Variants in DLGAP1 observed in about 807,000 individuals in gnomAD.
The protein encoded by DLGAP1 is DLG associated protein 1.
In DLGAP1, 11 loss-of-function variants were observed where a neutral mutation model predicts 90.8. The observed-to-expected ratio is 0.12, with a 90% confidence interval of 0.08 to 0.20. DLGAP1 has a LOEUF of 0.20. Ranked by LOEUF, DLGAP1 falls within the 10% of genes least tolerant of loss-of-function variation. The probability of loss-of-function intolerance (pLI) is 1.00; values close to 1 mark genes in which losing one functional copy is unlikely to be tolerated. For synonymous variants in DLGAP1, 558 were observed against 540.7 expected, an observed-to-expected ratio of 1.03 and a Z score of -0.44; for missense variants, 1,050 against 1,333.8, an observed-to-expected ratio of 0.79 and a Z score of 3.31.
Position 4,055,816 on chromosome 18 carries a change from T to A in DLGAP1, c.-158-50615A>T, listed in dbSNP as rs571938335. Reference sequence around the variant, plus strand: ...CAGAGGTGTGAGTTAAGTGGGCTGCTATAAAAATTTAGGAAAAATATATTA... The same window carrying A: ...CAGAGGTGTGAGTTAAGTGGGCTGCAATAAAAATTTAGGAAAAATATATTA... On this transcript the variant is annotated intron_variant, in intron 2 of 12. Transcript: ENST00000315677. 3.3e-5 allele frequency among the ~76,000 whole-genome samples: 5 copies of A among 152,294 alleles called. No homozygotes were observed. In the East Asian group the frequency reaches 9.7e-4, roughly 29 times the overall value.
chr18:3,953,820 T>C (rs2073033873), intron 3 of DLGAP1, among the ~76,000 whole-genome samples: 1 of 152,210 alleles, frequency 6.6e-6, no homozygotes, highest in African/African-American at 2.4e-5. Context: ...TAAAGGATGA[T>C]GGTATGGCAT....
At chr18:3,705,741 C>T (rs1467645162) in intron 7 of DLGAP1, among the ~76,000 whole-genome samples, 1 of 151,710 alleles carries the variant, frequency 6.6e-6, no homozygotes, top group Non-Finnish European at 1.5e-5. Flanking sequence ...TCACTACAAC[C>T]TCTGCCTCCT....
At chr18:3,772,929 A>G (rs1374076269) in intron 5 of DLGAP1, among the ~76,000 whole-genome samples, 1 of 152,170 alleles carries the variant, frequency 6.6e-6, no homozygotes, top group East Asian at 1.9e-4. Flanking sequence ...CCTCTTCAGC[A>G]TGGTATTGAA....
At chr18:4,272,553 G>A in intron 1 of DLGAP1, among the ~76,000 whole-genome samples, 1 of 152,088 alleles carries the variant, frequency 6.6e-6, no homozygotes, top group East Asian at 1.9e-4. Flanking sequence ...TAGTCCCTTA[G>A]CCCCCAGGCT....
chr18:4,248,053 T>C (rs2078691606), intron 1 of DLGAP1, among the ~76,000 whole-genome samples: 1 of 152,062 alleles, frequency 6.6e-6, no homozygotes, highest in Non-Finnish European at 1.5e-5. Flanking sequence ...GAAAAAAATA[T>C]CGTGATTTTG....
intron 1 of DLGAP1, among the ~76,000 whole-genome samples, chr18:4,237,856 G>C (rs945816618): frequency 6.6e-6 from 1 of 152,088 alleles, no homozygotes; most frequent in African/African-American, 2.4e-5. Flanking sequence ...TGCCAAATGA[G>C]TTATGAGTTG....
chr18:4,094,596 CCTTT>C (rs1427664030), intron 2 of DLGAP1, among the ~76,000 whole-genome samples: 15 of 146,816 alleles, frequency 1.0e-4, no homozygotes, highest in East Asian at 2.0e-4. Flanking sequence ...TTCCTTCCTT[CCTTT>C]CTCTTTCTTT....
chr18:4,264,613 C>T (rs551720887), intron 1 of DLGAP1: 3 of 152,394 alleles, frequency 2.0e-5, no homozygotes, highest in South Asian at 2.1e-4. Context: ...AGCCAAATCC[C>T]GACAGGACTT....
In DLGAP1 at chr18:4,157,996, GACAT is replaced by G. The variant is rs535139090; in HGVS notation, c.-266-6713_-266-6710del. 3.9e-5 allele frequency among the ~76,000 whole-genome samples: 6 copies of G among 152,232 alleles called. No homozygotes were observed. In the South Asian group the frequency reaches 1.2e-3, roughly 32 times the overall value. Reference sequence around the variant, plus strand: ...GCCAACTGTTTATGCTGAAAATGAAGACATACAAAGAGAGAGAAAGAAAGAGCAA... The same window carrying G: ...GCCAACTGTTTATGCTGAAAATGAAGACAAAGAGAGAGAAAGAAAGAGCAA... On this transcript the variant is annotated intron_variant, in intron 1 of 12. Transcript: ENST00000315677.
At chr18:4,029,680 A>G (rs187220162) in intron 2 of DLGAP1, among the ~76,000 whole-genome samples, 5 of 152,226 alleles carry the variant, frequency 3.3e-5, no homozygotes, top group African/African-American at 7.2e-5. Flanking sequence ...CTAATTCCTA[A>G]TTTCAGTGTC....
chr18:3,583,293 C>T (rs1004863850), intron 7 of DLGAP1, among the ~76,000 whole-genome samples: 3 of 151,094 alleles, frequency 2.0e-5, no homozygotes, highest in Admixed American at 1.3e-4. Flanking sequence ...TTCCCTCCTT[C>T]AGTCTTTTTC....
intron 1 of DLGAP1, among the ~76,000 whole-genome samples, chr18:4,158,799 T>A (rs1458033438): frequency 1.3e-5 from 2 of 152,158 alleles, no homozygotes; most frequent in Non-Finnish European, 2.9e-5. Context: ...GAGAGAAAAG[T>A]CAGTGATAAA....
chr18:4,009,077 T>C (rs2074365387), intron 2 of DLGAP1, among the ~76,000 whole-genome samples: 1 of 152,190 alleles, frequency 6.6e-6, no homozygotes, highest in African/African-American at 2.4e-5. Flanking sequence ...GCTAATTTTT[T>C]ATATTTTTAG....
chr18:4,097,575 A>G (rs987624122), intron 2 of DLGAP1, among the ~76,000 whole-genome samples: 1 of 152,180 alleles, frequency 6.6e-6, no homozygotes, highest in African/African-American at 2.4e-5. Flanking sequence ...GTATTCCCTA[A>G]AATTCCAGCC....
intron 1 of DLGAP1, among the ~76,000 whole-genome samples, chr18:4,174,699 C>T (rs2077078054): frequency 6.6e-6 from 1 of 152,148 alleles, no homozygotes; most frequent in South Asian, 2.1e-4. Flanking sequence ...TGGTTTGTTA[C>T]ATAGGTATAC....
intron 5 of DLGAP1, among the ~76,000 whole-genome samples, chr18:3,772,354 T>TTCTTTCTTTCTTTCTTTC (rs2064675356): frequency 1.6e-5 from 1 of 64,484 alleles, no homozygotes; most frequent in African/African-American, 9.5e-5. Context: ...CTCTCTTTCT[T>TTCTTTCTTTCTTTCTTTC]TCTTTCTTTC....
chr18:3,597,343 C>T (rs3178069), intron 7 of DLGAP1: 1 of 422,850 alleles, frequency 2.4e-6, no homozygotes, highest in Non-Finnish European at 4.6e-6. Flanking sequence ...TGCTATATGT[C>T]TGGTAAACAG....
chr18:4,198,810 A>G (rs1252158459), intron 1 of DLGAP1, among the ~76,000 whole-genome samples: 1 of 152,220 alleles, frequency 6.6e-6, no homozygotes, highest in Non-Finnish European at 1.5e-5. Flanking sequence ...TTTGGAGAAT[A>G]TATTTAAAAT....
chr18:3,814,386 G>C, intron 4 of DLGAP1, 113 bp from the exon 5 acceptor site: 1 of 935,708 alleles, frequency 1.1e-6, no homozygotes, highest in Non-Finnish European at 1.5e-6. Context: ...TTTTGAGATG[G>C]GGTCTTGCTT....
Sources: gnomAD v4.1 joint callset for allele counts (sites outside exome capture counted in the v4.1 genomes callset) on GRCh38, gnomAD v4.1.1 for gene constraint, MANE v1.5 for transcripts, NCBI Gene and HGNC (gene_info 2026-07-23, HGNC 2026-07-21) for gene names.